DMD: variants seen among roughly 807,000 people sequenced by gnomAD.
The protein encoded by DMD is dystrophin, also known as mutant dystrophin.
In DMD, 63 loss-of-function variants were observed where a neutral mutation model predicts 330.1. The ratio of observed to expected loss-of-function variants is 0.19; its 90% CI spans 0.16 to 0.24. The LOEUF (loss-of-function observed/expected upper bound fraction) is 0.24. Among genes scored for constraint, DMD ranks in the 10% least tolerant of loss-of-function variants. The pLI is 1.00. For synonymous variants in DMD, 1,223 were observed against 959.8 expected (o/e 1.27, Z -5.07); for missense variants, 3,344 against 2,684.1 (o/e 1.25, Z -5.43).
intron 60 of DMD, among the ~76,000 whole-genome samples, chrX:31,433,542 C>T (rs977712733): frequency 5.6e-5 from 6 of 107,824 alleles, no homozygotes; most frequent in Non-Finnish European, 5.8e-5. Context: ...CTGCAACCTC[C>T]GCCTCCTATG....
chrX:31,851,844 A>C (rs1031667601), intron 48 of DMD, among the ~76,000 whole-genome samples: 1 of 111,681 alleles, frequency 9.0e-6, no homozygotes, highest in Non-Finnish European at 1.9e-5. Flanking sequence ...GAGAGTTTAG[A>C]AAGTGCCTGC....
At chrX:32,090,416 T>G (rs973995615) in intron 44 of DMD, among the ~76,000 whole-genome samples, 4 of 111,830 alleles carry the variant, frequency 3.6e-5, no homozygotes, top group South Asian at 3.7e-4. Context: ...TCTACCTACA[T>G]GAAAACCTGG....
intron 17 of DMD, among the ~76,000 whole-genome samples, chrX:32,542,389 G>A (rs1272757013): frequency 9.0e-6 from 1 of 111,679 alleles, no homozygotes; most frequent in Admixed American, 9.5e-5. Context: ...CTGAGATCCC[G>A]CCACTGCACT....
chrX:31,919,762 A>G (rs1423021121), intron 47 of DMD, among the ~76,000 whole-genome samples: 1 of 112,172 alleles, frequency 8.9e-6, no homozygotes, highest in African/African-American at 3.2e-5. Context: ...AGAAAAACCA[A>G]ATTTCTCCAT....
chrX:32,834,975 G>A (rs1340805918), intron 4 of DMD, among the ~76,000 whole-genome samples: 1 of 110,855 alleles, frequency 9.0e-6, no homozygotes, highest in East Asian at 2.8e-4. Context: ...TGGGGAGCGG[G>A]GGGTAGTTTA....
intron 2 of DMD, among the ~76,000 whole-genome samples, chrX:32,881,369 A>G (rs894583134): frequency 2.7e-5 from 3 of 112,729 alleles, no homozygotes; most frequent in Non-Finnish European, 5.6e-5. Flanking sequence ...GTCTATGAAT[A>G]ATTGTATACT....
At chrX:31,337,193 G>C (rs760736014) in intron 61 of DMD, among the ~76,000 whole-genome samples, 3 of 110,600 alleles carry the variant, frequency 2.7e-5, no homozygotes, top group African/African-American at 9.9e-5. Flanking sequence ...AAAGTGCTGG[G>C]ATTATAGGTG....
intron 7 of DMD, among the ~76,000 whole-genome samples, chrX:32,748,800 G>A (rs966372505): frequency 8.9e-6 from 1 of 112,387 alleles, no homozygotes; most frequent in Non-Finnish European, 1.9e-5. Flanking sequence ...ATTCTGTGAT[G>A]TAAAAAGACT....
chrX:33,096,557 G>T (rs1490576883), intron 1 of DMD, among the ~76,000 whole-genome samples: 1 of 106,722 alleles, frequency 9.4e-6, no homozygotes, highest in Non-Finnish European at 1.9e-5. Context: ...CCAGGCTGGA[G>T]TGCAATGGCA....
rs181032576 is a variant in DMD at position 31,911,960 on chromosome X, T to G, written c.6912+17636A>C. ...AAATAAAAGTATCGTCATTTTGAAG[T>G]GCCATCTTCTCTTATTCTACGCCAA... On this transcript the variant is annotated intron_variant, in intron 47 of 78. Coordinates refer to ENST00000357033, the MANE Select transcript of DMD (RefSeq NM_004006.3). Among the ~76,000 whole-genome samples, 6 of 111,952 alleles carry G rather than the reference T, an allele frequency of 5.4e-5. No individual in the cohort carries two copies. The Admixed American group carries it at 5.7e-4, about 11-fold the overall frequency.
At chrX:31,608,275 T>C (rs2077709887) in intron 55 of DMD, among the ~76,000 whole-genome samples, 1 of 111,913 alleles carries the variant, frequency 8.9e-6, no homozygotes. Context: ...AAGGAGTGGG[T>C]AGCTAATATG....
intron 55 of DMD, among the ~76,000 whole-genome samples, chrX:31,564,876 A>G (rs927942725): frequency 8.9e-6 from 1 of 112,152 alleles, no homozygotes; most frequent in African/African-American, 3.2e-5. Flanking sequence ...AATACAAGAC[A>G]TACTTTCTGT....
At chrX:32,352,039 T>C (rs780469328) in intron 37 of DMD, among the ~76,000 whole-genome samples, 15 of 111,314 alleles carry the variant, frequency 1.3e-4, no homozygotes, top group Non-Finnish European at 2.7e-4. Context: ...TTTTATTTTG[T>C]GTAGTTTCAA....
intron 7 of DMD, among the ~76,000 whole-genome samples, chrX:32,715,559 C>T (rs900370607): frequency 1.9e-5 from 2 of 106,984 alleles, no homozygotes; most frequent in Admixed American, 2.0e-4. Context: ...CTTAGGGAGG[C>T]CATGGCAGGC....
At chrX:31,824,242 T>C (rs1157219945) in intron 49 of DMD, among the ~76,000 whole-genome samples, 1 of 110,975 alleles carries the variant, frequency 9.0e-6, no homozygotes, top group Non-Finnish European at 1.9e-5. Flanking sequence ...TAAGGGTATA[T>C]GTAGAGCAAT....
intron 48 of DMD, among the ~76,000 whole-genome samples, chrX:31,869,397 C>T (rs1227564999): frequency 2.3e-5 from 2 of 86,445 alleles, no homozygotes; most frequent in African/African-American, 4.1e-5. Context: ...TCTTTGTAAA[C>T]GACATGATTT....
intron 2 of DMD, among the ~76,000 whole-genome samples, chrX:32,937,999 T>C (rs1165888881): frequency 9.0e-6 from 1 of 111,318 alleles, no homozygotes; most frequent in Admixed American, 9.6e-5. Flanking sequence ...ATTAAAATTA[T>C]CTAGGAAACT....
chrX:31,944,602 C>T (rs771113593), intron 45 of DMD, among the ~76,000 whole-genome samples: 1 of 106,279 alleles, frequency 9.4e-6, no homozygotes, highest in South Asian at 4.3e-4. Context: ...TTCAGCCTCC[C>T]GAGTAGCTGG....
At chrX:32,481,031 G>T (rs1023055860) in intron 21 of DMD, among the ~76,000 whole-genome samples, 3 of 110,369 alleles carry the variant, frequency 2.7e-5, no homozygotes, top group African/African-American at 9.9e-5. Context: ...ACTGCAGCTA[G>T]AAGAGTTACC....
Sources: gnomAD v4.1 joint callset for allele counts (sites outside exome capture counted in the v4.1 genomes callset) on GRCh38, gnomAD v4.1.1 for gene constraint, MANE v1.5 for transcripts, NCBI Gene and HGNC (gene_info 2026-07-23, HGNC 2026-07-21) for gene names.